Variants in DYSF observed in about 807,000 individuals in gnomAD.
DYSF encodes the protein dystrophy-associated fer-1-like 1.
In DYSF, 212 loss-of-function variants were observed where a neutral mutation model predicts 274.9. The observed-to-expected ratio is 0.77, with a 90% CI of 0.69 to 0.86. The LOEUF is 0.86. Ranked by LOEUF, DYSF falls within the 40% of genes least tolerant of loss-of-function variation. The probability of loss-of-function intolerance (pLI) is 0.00; values close to 1 mark genes in which losing one functional copy is unlikely to be tolerated. For missense variants in DYSF, 2,666 were observed against 2,783.2 expected (o/e 0.96, Z 0.95); for synonymous variants, 1,091 against 1,078.7 (o/e 1.01, Z -0.22).
chr2:71,632,628 C>T (rs987722284), intron 41 of DYSF, among the ~76,000 whole-genome samples: 1 of 152,150 alleles, frequency 6.6e-6, no homozygotes, highest in Non-Finnish European at 1.5e-5. Flanking sequence ...GTCACAGATT[C>T]TGAATTAGTC....
intron 12 of DYSF, among the ~76,000 whole-genome samples, chr2:71,524,133 C>T (rs922851890): frequency 6.6e-6 from 1 of 152,168 alleles, no homozygotes; most frequent in Non-Finnish European, 1.5e-5. Context: ...TACCAAGAGC[C>T]AATTTGTTCT....
chr2:71,571,470 GCA>G (rs1325848814), intron 29 of DYSF, among the ~76,000 whole-genome samples: 5 of 102,532 alleles, frequency 4.9e-5, no homozygotes, highest in Admixed American at 1.1e-4. Context: ...ATCACACCCA[GCA>G]CACACACATC....
intron 11 of DYSF, among the ~76,000 whole-genome samples, 167 bp from the exon 12 acceptor site, chr2:71,520,622 A>G (rs996690207): frequency 2.0e-5 from 3 of 152,212 alleles, no homozygotes; most frequent in African/African-American, 7.2e-5. Flanking sequence ...GACTCTGACC[A>G]CATGAACACT....
chr2:71,659,344 A>G (rs1159624876), intron 44 of DYSF, among the ~76,000 whole-genome samples: 1 of 152,188 alleles, frequency 6.6e-6, no homozygotes, highest in African/African-American at 2.4e-5. Flanking sequence ...GAGGGGCCAA[A>G]AGCATAGGCA....
chr2:71,629,759 T>G (rs1338641628), intron 41 of DYSF, among the ~76,000 whole-genome samples: 1 of 152,252 alleles, frequency 6.6e-6, no homozygotes, highest in African/African-American at 2.4e-5. Context: ...AAAATGGATT[T>G]TAGAAATATC....
intron 30 of DYSF, among the ~76,000 whole-genome samples, chr2:71,580,299 G>A (rs978222124): frequency 1.5e-4 from 23 of 152,254 alleles, no homozygotes; most frequent in Admixed American, 7.2e-4. Flanking sequence ...CCAGCATCCC[G>A]ACTGCAGTAG....
At chr2:71,617,278 G>T (rs1385319507) in intron 40 of DYSF, among the ~76,000 whole-genome samples, 1 of 152,190 alleles carries the variant, frequency 6.6e-6, no homozygotes, top group Non-Finnish European at 1.5e-5. Flanking sequence ...AAGAGACAAG[G>T]GATGAGGGGG....
intron 16 of DYSF, among the ~76,000 whole-genome samples, chr2:71,535,773 G>A (rs2089273389): frequency 6.6e-6 from 1 of 152,162 alleles, no homozygotes; most frequent in African/African-American, 2.4e-5. Flanking sequence ...CAGATTGCCT[G>A]AGCAGGGGAC....
At chr2:71,684,469 G>A (rs943872217) in intron 55 of DYSF, among the ~76,000 whole-genome samples, 4 of 152,210 alleles carry the variant, frequency 2.6e-5, no homozygotes, top group Admixed American at 6.5e-5. Flanking sequence ...AGGTAAGGGC[G>A]TGTTTTGGGG....
chr2:71,624,106 A>C (rs995246164), intron 41 of DYSF, among the ~76,000 whole-genome samples: 2 of 152,186 alleles, frequency 1.3e-5, no homozygotes, highest in Non-Finnish European at 2.9e-5. Context: ...GCCTTAAATT[A>C]GTTTTCATAG....
intron 3 of DYSF, among the ~76,000 whole-genome samples, chr2:71,499,172 A>G (rs2084720656): frequency 6.6e-6 from 1 of 152,200 alleles, no homozygotes; most frequent in African/African-American, 2.4e-5. Context: ...CAGAGATCTT[A>G]TATTATTGCT....
intron 6 of DYSF, 102 bp downstream of exon 6, chr2:71,513,434 C>T: frequency 7.8e-7 from 1 of 1,277,858 alleles, no homozygotes. Flanking sequence ...TGGCAGAGGA[C>T]TCCTCCTGCA....
At chr2:71,499,690 T>A (rs2084778762) in intron 3 of DYSF, among the ~76,000 whole-genome samples, 1 of 152,236 alleles carries the variant, frequency 6.6e-6, no homozygotes, top group African/African-American at 2.4e-5. Flanking sequence ...TCTCCTTCCC[T>A]TGCCCATGCC....
At chr2:71,522,957 G>A (rs2087463290) in intron 12 of DYSF, among the ~76,000 whole-genome samples, 2 of 152,114 alleles carry the variant, frequency 1.3e-5, no homozygotes, top group Admixed American at 6.5e-5. Context: ...GGAGTTTGAG[G>A]TCCAGCTCCC....
intron 44 of DYSF, 101 bp from the exon 45 acceptor site, chr2:71,660,459 G>A (rs2094858337): frequency 9.9e-7 from 1 of 1,006,422 alleles, no homozygotes; most frequent in African/African-American, 1.6e-5. Flanking sequence ...TCAACTTCCT[G>A]ATGGCTGCTC....
chr2:71,478,079 G>A (rs2082541686), intron 1 of DYSF, among the ~76,000 whole-genome samples: 1 of 145,776 alleles, frequency 6.9e-6, no homozygotes, highest in Non-Finnish European at 1.5e-5. Context: ...TGTCACTTAT[G>A]TTAATATTTA....
chr2:71,488,296 G>A (rs1441096257), intron 3 of DYSF, among the ~76,000 whole-genome samples: 1 of 152,034 alleles, frequency 6.6e-6, no homozygotes, highest in Non-Finnish European at 1.5e-5. Context: ...AATTTGTTCT[G>A]GAAAAATGCC....
chr2:71,577,149 A>T (rs1329501929), intron 30 of DYSF: 1 of 153,130 alleles, frequency 6.5e-6, no homozygotes, highest in Non-Finnish European at 1.5e-5. Context: ...TGGCATTTGG[A>T]CGGGGCCACA....
intron 39 of DYSF, 86 bp from the exon 40 acceptor site, chr2:71,613,247 TG>T: frequency 8.4e-7 from 1 of 1,195,926 alleles, no homozygotes; most frequent in South Asian, 1.3e-5. Context: ...GGTCTTGTCT[TG>T]GTCCCTTGGT....
Sources: allele counts gnomAD v4.1 joint callset (sites outside exome capture counted in the v4.1 genomes callset), GRCh38; gene constraint gnomAD v4.1.1; transcripts MANE v1.5; gene names NCBI Gene and HGNC (gene_info 2026-07-23, HGNC 2026-07-21).